Variants in PHLPP1 observed in about 807,000 individuals in gnomAD.
PHLPP1 encodes PH domain and leucine rich repeat protein phosphatase 1.
PHLPP1 carries 42 observed loss-of-function variants against 117.2 expected under a neutral mutation model. The observed-to-expected ratio is 0.36, with a 90% CI of 0.28 to 0.46. The LOEUF (loss-of-function observed/expected upper bound fraction) is 0.46. Ranked by LOEUF, PHLPP1 falls within the 20% of genes least tolerant of loss-of-function variation. PHLPP1 has a pLI of 1.00. For synonymous variants in PHLPP1, 1,042 were observed against 970.7 expected, an observed-to-expected ratio of 1.07 and a Z score of -1.37; for missense variants, 2,084 against 2,241.9, an observed-to-expected ratio of 0.93 and a Z score of 1.42.
intron 1 of PHLPP1, among the ~76,000 whole-genome samples, chr18:62,765,718 G>A (rs773478077): frequency 2.7e-4 from 41 of 152,032 alleles, no homozygotes; most frequent in Non-Finnish European, 1.5e-4. Flanking sequence ...AAAAGGGGCC[G>A]GGCGCAGTGG....
chr18:62,831,531 G>T (rs777203984), intron 2 of PHLPP1, among the ~76,000 whole-genome samples: 7 of 151,990 alleles, frequency 4.6e-5, no homozygotes, highest in Non-Finnish European at 1.0e-4. Context: ...TAGAGACAGG[G>T]TTTCACCATG....
chr18:62,914,460 G>T (rs771483444), intron 8 of PHLPP1, among the ~76,000 whole-genome samples: 2 of 151,938 alleles, frequency 1.3e-5, no homozygotes, highest in Non-Finnish European at 2.9e-5. Context: ...CTAAAGATAG[G>T]GTCTCATGCT....
At chr18:62,766,103 A>ATATATATATATATATATATAT (rs1491171718) in intron 1 of PHLPP1, among the ~76,000 whole-genome samples, 1 of 53,354 alleles carries the variant, frequency 1.9e-5, no homozygotes, top group Non-Finnish European at 4.0e-5. Context: ...ATATATATAT[A>ATATATATATATATATATATAT]AAATATATAT....
intron 1 of PHLPP1, among the ~76,000 whole-genome samples, chr18:62,807,140 A>G (rs1238865864): frequency 1.3e-5 from 2 of 152,024 alleles, no homozygotes; most frequent in Non-Finnish European, 2.9e-5. Flanking sequence ...CTTTGGGATT[A>G]TTGCAATATG....
intron 10 of PHLPP1, among the ~76,000 whole-genome samples, chr18:62,923,383 C>T (rs964067802): frequency 3.3e-5 from 5 of 152,298 alleles, no homozygotes; most frequent in African/African-American, 1.2e-4. Flanking sequence ...AGAAGACATA[C>T]TCCTGCACCT....
At chr18:62,954,260 A>G (rs1022771827) in intron 12 of PHLPP1, among the ~76,000 whole-genome samples, 23 of 152,328 alleles carry the variant, frequency 1.5e-4, no homozygotes, top group African/African-American at 5.5e-4. Flanking sequence ...TTTGTTAGCT[A>G]TATTCTAGAA....
chr18:62,957,836 C>G (rs1233201571), intron 12 of PHLPP1, among the ~76,000 whole-genome samples: 2 of 152,102 alleles, frequency 1.3e-5, no homozygotes, highest in Non-Finnish European at 2.9e-5. Flanking sequence ...CTGCCTCACC[C>G]TCTCTAGTAG....
chr18:62,733,855 G>T (rs1360274348), intron 1 of PHLPP1, among the ~76,000 whole-genome samples: 7 of 152,136 alleles, frequency 4.6e-5, no homozygotes, highest in Non-Finnish European at 5.9e-5. Flanking sequence ...TAAATTATTG[G>T]TTCCAGATAC....
intron 1 of PHLPP1, among the ~76,000 whole-genome samples, chr18:62,727,236 A>C (rs1012751717): frequency 6.6e-6 from 1 of 151,372 alleles, no homozygotes; most frequent in African/African-American, 2.4e-5. Flanking sequence ...TCAAAAAAAA[A>C]AAAAAAAAGG....
At chr18:62,843,990 G>C (rs1915115348) in intron 3 of PHLPP1, among the ~76,000 whole-genome samples, 1 of 152,130 alleles carries the variant, frequency 6.6e-6, no homozygotes. Flanking sequence ...TGAATCTGTA[G>C]CATGTCTTAG....
intron 7 of PHLPP1, 75 bp from the exon 8 acceptor site, chr18:62,905,149 C>A: frequency 1.3e-6 from 1 of 763,326 alleles, no homozygotes; most frequent in Non-Finnish European, 1.9e-6. Flanking sequence ...ACAGTAATGA[C>A]GTTCCACATA....
chr18:62,904,306 T>G (rs1430530870), intron 7 of PHLPP1, among the ~76,000 whole-genome samples: 3 of 152,184 alleles, frequency 2.0e-5, no homozygotes, highest in African/African-American at 7.2e-5. Flanking sequence ...TGTCAGATGG[T>G]CAAGCATTGC....
intron 1 of PHLPP1, among the ~76,000 whole-genome samples, chr18:62,788,843 T>C (rs1913376221): frequency 6.6e-6 from 1 of 152,188 alleles, no homozygotes; most frequent in South Asian, 2.1e-4. Flanking sequence ...TTAGGTTCTT[T>C]CATCTCTTTG....
At chr18:62,871,644 ATTTTTTT>A (rs71160879) in intron 4 of PHLPP1, among the ~76,000 whole-genome samples, 6 of 108,624 alleles carry the variant, frequency 5.5e-5, no homozygotes, top group Admixed American at 2.0e-4. Flanking sequence ...AGCTCTGAAA[ATTTTTTT>A]TTTTTTTTTT....
At chr18:62,772,463 A>G (rs1912814733) in intron 1 of PHLPP1, among the ~76,000 whole-genome samples, 1 of 152,184 alleles carries the variant, frequency 6.6e-6, no homozygotes, top group Admixed American at 6.5e-5. Context: ...CCCATAACAT[A>G]TCTTGGGTTG....
At chr18:62,838,699 T>TC in intron 2 of PHLPP1, 85 bp from the exon 3 acceptor site, 2 of 1,345,840 alleles carry the variant, frequency 1.5e-6, no homozygotes, top group South Asian at 1.2e-5. Context: ...CCATGCAGGC[T>TC]CCTTGATCAG....
At chr18:62,849,811 A>AT (rs1915280453) in intron 3 of PHLPP1, among the ~76,000 whole-genome samples, 3 of 73,350 alleles carry the variant, frequency 4.1e-5, no homozygotes, top group Admixed American at 1.4e-4. Flanking sequence ...AAAAAAAAAA[A>AT]AAAAAAAAAA....
At chr18:62,864,009 G>GTTTA (rs3085144) in intron 4 of PHLPP1, among the ~76,000 whole-genome samples, 85,172 of 150,682 alleles carry the variant, frequency 0.57, 24,498 homozygotes, top group Non-Finnish European at 0.63. Context: ...AAATTTATTT[G>GTTTA]TTTATTTATT....
At chr18:62,892,170 C>A (rs192045989) in intron 4 of PHLPP1, among the ~76,000 whole-genome samples, 3 of 147,488 alleles carry the variant, frequency 2.0e-5, no homozygotes, top group African/African-American at 7.5e-5. Context: ...CTCACTGTGA[C>A]CTCCGCCTCC....
Sources: gnomAD v4.1 joint callset for allele counts (sites outside exome capture counted in the v4.1 genomes callset) on GRCh38, gnomAD v4.1.1 for gene constraint, MANE v1.5 for transcripts, NCBI Gene and HGNC (gene_info 2026-07-23, HGNC 2026-07-21) for gene names.